FAM184B: variants seen among roughly 807,000 people sequenced by gnomAD.
FAM184B encodes the protein family with sequence similarity 184 member B, also known as protein FAM184B.
In FAM184B, 111 loss-of-function variants were observed where a neutral mutation model predicts 135.9. The ratio of observed to expected loss-of-function variants is 0.82; its 90% CI spans 0.70 to 0.96. The LOEUF (loss-of-function observed/expected upper bound fraction) is 0.96. Among genes scored for constraint, FAM184B ranks in the 40% least tolerant of loss-of-function variants. The pLI is 0.00. For missense variants in FAM184B, 1,375 were observed against 1,323.9 expected, an observed-to-expected ratio of 1.04 and a Z score of -0.60; for synonymous variants, 552 against 524.8, an observed-to-expected ratio of 1.05 and a Z score of -0.71.
intron 1 of FAM184B, among the ~76,000 whole-genome samples, chr4:17,711,985 A>G (rs969716145): frequency 1.3e-5 from 2 of 152,184 alleles, no homozygotes; most frequent in Non-Finnish European, 1.5e-5. Flanking sequence ...CATTTTTAGG[A>G]AGAGGGAAGC....
intron 15 of FAM184B, 147 bp downstream of exon 15, chr4:17,636,381 G>A: frequency 4.6e-6 from 3 of 653,152 alleles, no homozygotes; most frequent in Non-Finnish European, 8.0e-6. Context: ...GGGATTACAG[G>A]CTTGAGCCAC....
At chr4:17,705,517 G>C (rs548051388) in intron 4 of FAM184B, among the ~76,000 whole-genome samples, 28 of 152,178 alleles carry the variant, frequency 1.8e-4, no homozygotes, top group Non-Finnish European at 3.8e-4. Flanking sequence ...CCAGTTTCCA[G>C]TTTCCCAGAA....
In FAM184B at chr4:17,708,921, ACTT is replaced by A; in HGVS notation, c.862_864del (p.Lys288del). On this transcript the variant is annotated inframe_deletion, in exon 2 of 18. Coordinates refer to ENST00000265018, the MANE Select transcript of FAM184B (RefSeq NM_015688.2). ...ATCCTCTCCTTCAGCTTCTGGGCGT[ACTT>A]CTTCAGGTCACTTATCTTGCGGCCT... 2 of 1,533,514 alleles carry A rather than the reference ACTT, an allele frequency of 1.3e-6. No individual in the cohort carries two copies. Among genetic ancestry groups the A allele is most frequent in the Non-Finnish European group, 1.8e-6 (2 of 1,137,564 alleles). The allele number at this position is 1,533,514 out of a possible 1,614,324, so 95.0% of individuals were successfully genotyped here.
chr4:17,777,845 C>T (rs1718960288), intron 1 of FAM184B, among the ~76,000 whole-genome samples: 2 of 152,124 alleles, frequency 1.3e-5, no homozygotes, highest in Admixed American at 1.3e-4. Context: ...CCCCTGTAAT[C>T]CCAGCACTTT....
At chr4:17,756,976 C>A (rs1718438455) in intron 1 of FAM184B, among the ~76,000 whole-genome samples, 1 of 152,096 alleles carries the variant, frequency 6.6e-6, no homozygotes, top group African/African-American at 2.4e-5. Flanking sequence ...ATTTTGCAAC[C>A]TCTAGTGAAA....
intron 7 of FAM184B, among the ~76,000 whole-genome samples, chr4:17,666,603 C>T (rs760942119): frequency 5.4e-5 from 8 of 149,146 alleles, no homozygotes; most frequent in African/African-American, 1.7e-4. Flanking sequence ...GGATTACAGA[C>T]GCAAGTCACC....
At chr4:17,660,730 G>C (rs1458027741) in intron 8 of FAM184B, among the ~76,000 whole-genome samples, 2 of 151,680 alleles carry the variant, frequency 1.3e-5, no homozygotes, top group African/African-American at 2.4e-5. Flanking sequence ...AACCAGCTGA[G>C]AATTTCAAGT....
intron 1 of FAM184B, among the ~76,000 whole-genome samples, chr4:17,763,806 T>C (rs549684705): frequency 6.6e-6 from 1 of 152,150 alleles, no homozygotes; most frequent in Non-Finnish European, 1.5e-5. Context: ...AGCTAGCAAG[T>C]GCAAGGAACA....
chr4:17,739,589 T>A (rs1717984954), intron 1 of FAM184B, among the ~76,000 whole-genome samples: 1 of 94,998 alleles, frequency 1.1e-5, no homozygotes, highest in Non-Finnish European at 2.0e-5. Flanking sequence ...GGTTTCACTG[T>A]GTCTCCCAGG....
intron 12 of FAM184B, among the ~76,000 whole-genome samples, chr4:17,644,947 A>C (rs1185497133): frequency 6.6e-6 from 1 of 151,926 alleles, no homozygotes; most frequent in Non-Finnish European, 1.5e-5. Context: ...ATAACAGACA[A>C]ACAGAGAGCC....
intron 5 of FAM184B, among the ~76,000 whole-genome samples, chr4:17,697,149 C>T (rs1009270317): frequency 1.3e-5 from 2 of 152,060 alleles, no homozygotes. Flanking sequence ...CATGGTACCA[C>T]TGAGGAGAGA....
At chr4:17,742,168 A>ATATTTTTTT (rs1459958150) in intron 1 of FAM184B, among the ~76,000 whole-genome samples, 12 of 109,292 alleles carry the variant, frequency 1.1e-4, no homozygotes, top group African/African-American at 4.8e-4. Context: ...ATATATATAT[A>ATATTTTTTT]TTTTTTTTTT....
intron 1 of FAM184B, among the ~76,000 whole-genome samples, chr4:17,753,924 T>C (rs1718362510): frequency 6.6e-6 from 1 of 152,198 alleles, no homozygotes; most frequent in South Asian, 2.1e-4. Context: ...TAGTGTATTA[T>C]AGCCTAAGGG....
intron 8 of FAM184B, among the ~76,000 whole-genome samples, chr4:17,662,405 T>C (rs926004545): frequency 1.3e-4 from 19 of 151,990 alleles, no homozygotes; most frequent in Non-Finnish European, 2.6e-4. Context: ...TGGCACAATC[T>C]CGGCTCGCTG....
chr4:17,764,279 G>A (rs1718607637), intron 1 of FAM184B, among the ~76,000 whole-genome samples: 1 of 152,216 alleles, frequency 6.6e-6, no homozygotes, highest in African/African-American at 2.4e-5. Context: ...CATTAAAACA[G>A]AAGGTTGTGT....
chr4:17,744,448 T>TTC lies in FAM184B; in HGVS notation c.142-34806_142-34805dup, dbSNP rs1274682958. ...GATTCAATGTGCCATGAGTCACTCA[T>TTC]TCTCTCTCTCTCTCACACACACACA... is the stretch of plus-strand genomic sequence containing the variant. On this transcript the variant is annotated intron_variant, in intron 1 of 17. Coordinates refer to ENST00000265018, the MANE Select transcript of FAM184B (RefSeq NM_015688.2). Among the ~76,000 whole-genome samples, 710 of 130,584 alleles carry TTC rather than the reference T, an allele frequency of 5.4e-3. 4 individuals are homozygous for TTC. The highest frequency in any genetic ancestry group is 0.014 in the African/African-American group (488 of 34,732). The allele number at this position is 130,584 out of a possible 152,430, so 85.7% of individuals were successfully genotyped here. A position where few individuals can be genotyped will look rare whatever the true frequency, so the allele number is the denominator to read the frequency against.
chr4:17,750,271 T>C (rs979007293), intron 1 of FAM184B, among the ~76,000 whole-genome samples: 3 of 152,254 alleles, frequency 2.0e-5, no homozygotes, highest in African/African-American at 7.2e-5. Flanking sequence ...TGTTATTCTT[T>C]AATCTTTACT....
At position 17,770,436 on chromosome 4, in the gene FAM184B, AGTTGTTGTTGTT is replaced by A. The variant is rs10597477; in HGVS notation, c.141+10711_141+10722del. 7.9e-3 allele frequency among the ~76,000 whole-genome samples: 752 copies of A among 94,988 alleles called. 23 individuals carry two copies. In the East Asian group the frequency reaches 0.12, roughly 15 times the overall value. The allele number at this position is 94,988 out of a possible 152,430, so 62.3% of individuals were successfully genotyped here. A position where few individuals can be genotyped will look rare whatever the true frequency, so the allele number is the denominator to read the frequency against. Reference sequence around the variant, plus strand: ...AGTCACCAGGACTTGCCTCAGAACTAGTTGTTGTTGTTGTTGTTGTTGTTGTTGTTGTTGTTG... The same window carrying A: ...AGTCACCAGGACTTGCCTCAGAACTAGTTGTTGTTGTTGTTGTTGTTGTTG... On this transcript the variant is annotated intron_variant, in intron 1 of 17. Coordinates refer to ENST00000265018, the MANE Select transcript of FAM184B (RefSeq NM_015688.2).
At chr4:17,641,396 C>G (rs944879944) in intron 13 of FAM184B, among the ~76,000 whole-genome samples, 6 of 148,048 alleles carry the variant, frequency 4.1e-5, no homozygotes, top group African/African-American at 1.5e-4. Flanking sequence ...GATTTGATGA[C>G]ACTTTTGGTC....
Sources: allele counts gnomAD v4.1 joint callset (sites outside exome capture counted in the v4.1 genomes callset), GRCh38; gene constraint gnomAD v4.1.1; transcripts MANE v1.5; gene names NCBI Gene and HGNC (gene_info 2026-07-23, HGNC 2026-07-21).